The following COL11A1 variants were observed in gnomAD, a reference collection of about 807,000 sequenced individuals.
COL11A1 encodes collagen type XI alpha 1 chain.
COL11A1 carries 74 observed loss-of-function variants against 265.2 expected under a neutral mutation model. That is an observed-to-expected ratio of 0.28 (90% CI 0.23 to 0.34). The LOEUF (loss-of-function observed/expected upper bound fraction) is 0.34, where lower values mean the gene tolerates loss of function less well. Ranked by LOEUF, COL11A1 falls within the 10% of genes least tolerant of loss-of-function variation. The pLI is 1.00. For synonymous variants in COL11A1, 816 were observed against 727.6 expected, an observed-to-expected ratio of 1.12 and a Z score of -1.96; for missense variants, 2,165 against 2,263.6, an observed-to-expected ratio of 0.96 and a Z score of 0.88.
chr1:103,082,871 A>G lies in COL11A1; in HGVS notation c.208T>C (p.Ser70Pro). 6.2e-7 allele frequency: 1 copy of G among 1,613,702 alleles called. No homozygotes were observed. Among genetic ancestry groups the G allele is most frequent in the Non-Finnish European group, 8.5e-7 (1 of 1,179,732 alleles). The part of the protein sequence containing the change: ...FCTNRKNSKG[S>P]DTAYRVSKQA... The stretch of plus-strand genomic sequence containing the variant: ...TTTGAAACTCTGTAAGCAGTATCTG[A>G]GCCTTTAGAATTCTTTCTGTTTGTG... The change falls in exon 2 of 67, where the codon TCA (serine) becomes CCA (proline). Residue 70 changes from serine to proline, a missense_variant. Ser to Pro is a moderately conservative substitution (Grantham distance 74). Coordinates refer to ENST00000370096, the MANE Select transcript of COL11A1 (RefSeq NM_001854.4).
At chr1:102,999,419 A>C (rs1014401532) in intron 24 of COL11A1, among the ~76,000 whole-genome samples, 1 of 151,870 alleles carries the variant, frequency 6.6e-6, no homozygotes, top group Admixed American at 6.6e-5. Flanking sequence ...ACTAATATTT[A>C]TTTTGTGTCT....
At chr1:102,928,781 G>A (rs1356365378) in intron 46 of COL11A1, among the ~76,000 whole-genome samples, 4 of 143,094 alleles carry the variant, frequency 2.8e-5, no homozygotes, top group African/African-American at 1.0e-4. Context: ...TTTAATGATT[G>A]CCATTCTAAC....
intron 52 of COL11A1, 47 bp downstream of exon 52, chr1:102,914,305 G>T: frequency 7.0e-7 from 1 of 1,430,868 alleles, no homozygotes; most frequent in East Asian, 2.3e-5. Flanking sequence ...ACAGAAATTG[G>T]AAACATTCAC....
At chr1:102,963,143 G>A (rs972747671) in intron 38 of COL11A1, among the ~76,000 whole-genome samples, 3 of 152,072 alleles carry the variant, frequency 2.0e-5, no homozygotes, top group Admixed American at 6.6e-5. Flanking sequence ...TAGTAAAGAG[G>A]CATAGAAACC....
chr1:102,996,024 C>G lies in COL11A1; in HGVS notation c.2260G>C (p.Gly754Arg). 6.2e-7 allele frequency: 1 copy of G among 1,613,290 alleles called. No individual in the cohort carries two copies. Among genetic ancestry groups the G allele is most frequent in the Non-Finnish European group, 8.5e-7 (1 of 1,179,520 alleles). ...CGGGGGCCCGGGTATCCAATAGGAC[C>G]TTGTGGACCAGGGGGACCCTGAAAT... ...KGALGPPGPQ[G>R]PIGYPGPRGV... The change falls in exon 27 of 67, where the codon GGT becomes CGT. Residue 754 changes from glycine (G) to arginine (R), a missense_variant. By Grantham distance (125) the Gly-to-Arg change is moderately radical. Transcript: ENST00000370096.
intron 4 of COL11A1, among the ~76,000 whole-genome samples, chr1:103,035,667 T>G (rs568653615): frequency 1.2e-4 from 18 of 152,168 alleles, no homozygotes; most frequent in Middle Eastern, 3.4e-3. Flanking sequence ...TAATTTATGA[T>G]GAAGCATAAC....
At chr1:102,915,395 T>C (rs1302888882) in intron 50 of COL11A1, among the ~76,000 whole-genome samples, 3 of 152,212 alleles carry the variant, frequency 2.0e-5, no homozygotes, top group Non-Finnish European at 4.4e-5. Context: ...AAACAGCCCA[T>C]AGTTTTAATG....
chr1:102,952,239 C>T (rs1431135425), intron 41 of COL11A1, among the ~76,000 whole-genome samples: 2 of 151,822 alleles, frequency 1.3e-5, no homozygotes, highest in East Asian at 1.9e-4. Flanking sequence ...GCAGAGACTA[C>T]AGGCACCCGC....
chr1:103,044,919 G>C (rs1237530205), intron 4 of COL11A1, among the ~76,000 whole-genome samples: 1 of 151,988 alleles, frequency 6.6e-6, no homozygotes, highest in Non-Finnish European at 1.5e-5. Context: ...CAGAAAGTAG[G>C]ATACTCTATT....
At position 103,035,308 on chromosome 1, in the gene COL11A1, T is replaced by C. The variant is rs868812885; in HGVS notation, c.652-4064A>G. 2.6e-5 allele frequency among the ~76,000 whole-genome samples: 4 copies of C among 152,200 alleles called. No homozygotes were observed. In the South Asian group the frequency reaches 8.3e-4, roughly 32 times the overall value. Reference sequence around the variant, plus strand: ...GCTGATCCCCTTTTGATCCATATTTTGACATTTAATTTCTTATTGCCAACT... The same window carrying C: ...GCTGATCCCCTTTTGATCCATATTTCGACATTTAATTTCTTATTGCCAACT... On this transcript the variant is annotated intron_variant, in intron 4 of 66. Transcript: ENST00000370096.
At chr1:103,049,514 C>A (rs541650297) in intron 4 of COL11A1, among the ~76,000 whole-genome samples, 1 of 152,246 alleles carries the variant, frequency 6.6e-6, no homozygotes, top group African/African-American at 2.4e-5. Context: ...AGATGGGTTT[C>A]CTGAATACAG....
intron 42 of COL11A1, among the ~76,000 whole-genome samples, chr1:102,946,258 C>T (rs1187020297): frequency 6.7e-6 from 1 of 149,830 alleles, no homozygotes; most frequent in Non-Finnish European, 1.5e-5. Context: ...AGCACACCAG[C>T]ATGGCACATG....
At chr1:103,077,332 T>G (rs190163369) in intron 3 of COL11A1, among the ~76,000 whole-genome samples, 2,176 of 152,130 alleles carry the variant, frequency 0.014, 40 homozygotes, top group African/African-American at 0.05. Context: ...TTTTGTTTTT[T>G]TTTCTTCAGT....
intron 58 of COL11A1, 97 bp downstream of exon 58, chr1:102,890,354 T>C (rs1651590563): frequency 1.2e-5 from 14 of 1,148,102 alleles, no homozygotes; most frequent in Middle Eastern, 4.4e-4. Flanking sequence ...AAGATATTGT[T>C]TGAAATTTTC....
intron 1 of COL11A1, among the ~76,000 whole-genome samples, chr1:103,086,541 T>C (rs1246699068): frequency 3.9e-5 from 6 of 152,218 alleles, no homozygotes; most frequent in Admixed American, 1.3e-4. Flanking sequence ...CTCAGCCTCC[T>C]GAGTAGCTGG....
At chr1:103,015,442 G>A (rs1016048857) in intron 12 of COL11A1, among the ~76,000 whole-genome samples, 2 of 152,010 alleles carry the variant, frequency 1.3e-5, no homozygotes, top group Non-Finnish European at 2.9e-5. Flanking sequence ...AAACTCTGTT[G>A]CTAAGAGTGT....
At chr1:103,017,966 T>C in intron 10 of COL11A1, 84 bp from the exon 11 acceptor site, 2 of 1,081,562 alleles carry the variant, frequency 1.8e-6, no homozygotes, top group African/African-American at 1.5e-5. Flanking sequence ...ATCGAAGAGT[T>C]CGTTTATATT....
rs538909175 is a variant in COL11A1, at chr1:102,977,147, T to G, written c.2754+1561A>C. 2.6e-4 allele frequency among the ~76,000 whole-genome samples: 39 copies of G among 152,302 alleles called. No homozygotes were observed. In the South Asian group the frequency reaches 7.9e-3, roughly 31 times the overall value. On this transcript the variant is annotated intron_variant, in intron 35 of 66. Coordinates refer to ENST00000370096, the MANE Select transcript of COL11A1 (RefSeq NM_001854.4). ...TTCCCTGAACTTTCCCCAACTCATA[T>G]ATTTTGAGGAAAATATTTTATGGCA...
chr1:102,926,125 A>G (rs1450780053), intron 46 of COL11A1, among the ~76,000 whole-genome samples: 1 of 152,136 alleles, frequency 6.6e-6, no homozygotes, highest in Non-Finnish European at 1.5e-5. Context: ...TGATTAAGAC[A>G]AAAAATTATT....
Sources: gnomAD v4.1 joint callset for allele counts (sites outside exome capture counted in the v4.1 genomes callset) on GRCh38, gnomAD v4.1.1 for gene constraint, MANE v1.5 for transcripts, NCBI Gene and HGNC (gene_info 2026-07-23, HGNC 2026-07-21) for gene names.